The following NMT2 variants were observed in gnomAD, a reference collection of about 807,000 sequenced individuals.
NMT2 encodes N-myristoyltransferase 2, also known as glycylpeptide N-tetradecanoyltransferase 2.
NMT2 carries 35 observed loss-of-function variants against 65.4 expected under a neutral mutation model. That is an observed-to-expected ratio of 0.54 (90% CI 0.41 to 0.71). The LOEUF is 0.71. NMT2 is among the 30% of genes least tolerant of loss of function. The pLI is 0.00. For missense variants in NMT2, 489 were observed against 611.3 expected, an observed-to-expected ratio of 0.80 and a Z score of 2.11; for synonymous variants, 226 against 231.8, an observed-to-expected ratio of 0.98 and a Z score of 0.23.
chr10:15,152,843 C>T (rs146730219), intron 1 of NMT2, among the ~76,000 whole-genome samples: 218 of 152,300 alleles, frequency 1.4e-3, no homozygotes, highest in African/African-American at 5.0e-3. Context: ...TAAAACTTAA[C>T]TGAGAAAGAT....
At chr10:15,153,690 G>A (rs534975963) in intron 1 of NMT2, among the ~76,000 whole-genome samples, 27 of 151,146 alleles carry the variant, frequency 1.8e-4, no homozygotes, top group African/African-American at 4.9e-4. Flanking sequence ...TCGTTCTGTC[G>A]CCCAGGCTGG....
At chr10:15,146,354 A>G (rs1846964069) in intron 1 of NMT2, among the ~76,000 whole-genome samples, 2 of 152,262 alleles carry the variant, frequency 1.3e-5, no homozygotes, top group South Asian at 4.1e-4. Context: ...GGGCCAATGT[A>G]ACAGAGCCAT....
intron 1 of NMT2, among the ~76,000 whole-genome samples, chr10:15,163,892 G>A (rs990704047): frequency 2.0e-5 from 3 of 152,088 alleles, no homozygotes; most frequent in Admixed American, 6.5e-5. Context: ...TCTTAAAAAC[G>A]TCTTAGGCCG....
At chr10:15,149,059 G>A (rs894278301) in intron 1 of NMT2, among the ~76,000 whole-genome samples, 110 of 150,342 alleles carry the variant, frequency 7.3e-4, no homozygotes, top group Middle Eastern at 3.4e-3. Context: ...CACCACCACC[G>A]CCACCACCAC....
intron 1 of NMT2, among the ~76,000 whole-genome samples, chr10:15,161,410 G>A (rs1420947181): frequency 6.6e-6 from 1 of 152,074 alleles, no homozygotes; most frequent in Admixed American, 6.6e-5. Context: ...GGAGTGCAAT[G>A]GTGCAATCTC....
intron 9 of NMT2, among the ~76,000 whole-genome samples, chr10:15,117,312 T>C (rs528389471): frequency 6.6e-6 from 1 of 152,322 alleles, no homozygotes; most frequent in South Asian, 2.1e-4. Context: ...ATTACATCTA[T>C]TGAAGCAGAA....
chr10:15,116,610 G>A (rs920022070), intron 9 of NMT2, among the ~76,000 whole-genome samples: 19 of 152,012 alleles, frequency 1.2e-4, no homozygotes, highest in African/African-American at 4.6e-4. Flanking sequence ...GAAGACAACA[G>A]GGAATATCCA....
chr10:15,121,470 C>T lies in NMT2; in HGVS notation c.1000-1957G>A, dbSNP rs375271793. Among the ~76,000 whole-genome samples, 9 of 152,260 alleles carry T rather than the reference C, an allele frequency of 5.9e-5. No homozygotes were observed. In the South Asian group the frequency reaches 1.7e-3, roughly 28 times the overall value. ...GCAACGTCTGCCTCCTGGGTTCAAT[C>T]GATTCTCTTGCCTCAGGCTCCCGAG... is the stretch of plus-strand genomic sequence containing the variant. On this transcript the variant is annotated intron_variant, in intron 8 of 11. Transcript: ENST00000378165.
intron 1 of NMT2, among the ~76,000 whole-genome samples, chr10:15,158,290 T>A (rs186883065): frequency 1.4e-4 from 21 of 149,656 alleles, no homozygotes; most frequent in African/African-American, 4.9e-4. Context: ...CACTCCAGCC[T>A]GGGTAACAGA....
At chr10:15,124,005 C>G (rs1256378855) in intron 8 of NMT2, among the ~76,000 whole-genome samples, 1 of 152,108 alleles carries the variant, frequency 6.6e-6, no homozygotes, top group African/African-American at 2.4e-5. Context: ...AAGGAGCAAA[C>G]AGAATGCTAA....
rs1003879571 is a variant in NMT2 at position 15,107,799 on chromosome 10, G to A, written c.*1396C>T. On this transcript the variant is annotated 3_prime_UTR_variant, in exon 12 of 12. Transcript: ENST00000378165. ...ATCTGAGTTGAGGCCAGGCTACGTG[G>A]CCTCGGTTAGCATCTTATTTTTCCC... 5.1e-6 allele frequency: 5 copies of A among 985,734 alleles called. No individual in the cohort carries two copies. Among genetic ancestry groups the A allele is most frequent in the African/African-American group, 1.7e-5 (1 of 57,356 alleles). The allele number at this position is 985,734 out of a possible 1,614,324, so 61.1% of individuals were successfully genotyped here.
rs909447093 is a variant in NMT2 at position 15,119,437 on chromosome 10, A to T, written c.1076T>A (p.Leu359Gln). The T allele has an allele frequency of 6.2e-7, 1 of 1,613,994 alleles. No individual in the cohort carries two copies. The highest frequency in any genetic ancestry group is 8.5e-7 in the Non-Finnish European group (1 of 1,179,958). The change falls in exon 9 of 12, where the codon CTG (leucine) becomes CAG (glutamine). Residue 359 changes from leucine (L) to glutamine (Q), a missense_variant. Coordinates refer to ENST00000378165, the MANE Select transcript of NMT2 (RefSeq NM_004808.3). ...CACTGGAGCCAGATGAAACTGCTTC[A>T]GGTAAGTGTTGATTAATTCTCGAAC... ...KSVRELINTYLKQFHLAPVMD... is the reference protein window; with the variant it reads ...KSVRELINTYQKQFHLAPVMD...
intron 1 of NMT2, among the ~76,000 whole-genome samples, chr10:15,143,412 T>C (rs1340239577): frequency 6.6e-6 from 1 of 152,230 alleles, no homozygotes; most frequent in Non-Finnish European, 1.5e-5. Context: ...TCACAGCTTT[T>C]CTGTATAATA....
In NMT2 at chr10:15,106,778, T is replaced by G. The variant is rs1845317566; in HGVS notation, c.*2417A>C. 2.4e-6 allele frequency: 1 copy of G among 410,696 alleles called. No homozygotes were observed. The highest frequency in any genetic ancestry group is 3.3e-6 in the Non-Finnish European group (1 of 304,888). 25.4% of individuals were successfully genotyped at this position (410,696 alleles called of 1,614,324 possible). On this transcript the variant is annotated 3_prime_UTR_variant, in exon 12 of 12. Transcript: ENST00000378165. ...ACAACAACTCAACTCAGCTTTGTAG[T>G]GTGAAGCAGCCATAGGCAATATGTA...
At chr10:15,159,876 G>A (rs188516139) in intron 1 of NMT2, among the ~76,000 whole-genome samples, 1 of 152,190 alleles carries the variant, frequency 6.6e-6, no homozygotes, top group African/African-American at 2.4e-5. Flanking sequence ...GGGTCTTCCC[G>A]AGCAGAGGGC....
intron 7 of NMT2, among the ~76,000 whole-genome samples, chr10:15,129,490 T>A (rs1846201322): frequency 6.6e-6 from 1 of 152,194 alleles, no homozygotes; most frequent in South Asian, 2.1e-4. Context: ...AACAAACAAA[T>A]ACATCTGAGG....
intron 2 of NMT2, chr10:15,140,918 C>T (rs964536310): frequency 7.3e-7 from 1 of 1,362,836 alleles, no homozygotes; most frequent in South Asian, 1.3e-5. Flanking sequence ...AACTATTTCC[C>T]ACCCTTGGCA....
At chr10:15,140,988 C>A in intron 2 of NMT2, 1 of 1,550,838 alleles carries the variant, frequency 6.4e-7, no homozygotes, top group Non-Finnish European at 8.7e-7. Context: ...GAGACTTACC[C>A]ATGGCTGCTC....
chr10:15,129,247 T>A (rs957128025), intron 7 of NMT2, among the ~76,000 whole-genome samples: 2 of 152,150 alleles, frequency 1.3e-5, no homozygotes, highest in Admixed American at 6.6e-5. Context: ...ACCCCTGAAG[T>A]CTAGTATTCC....
Sources: gnomAD v4.1 joint callset for allele counts (sites outside exome capture counted in the v4.1 genomes callset) on GRCh38, gnomAD v4.1.1 for gene constraint, MANE v1.5 for transcripts, NCBI Gene and HGNC (gene_info 2026-07-23, HGNC 2026-07-21) for gene names.